The following RGS8 variants were observed in gnomAD, a reference collection of about 807,000 sequenced individuals.
RGS8 encodes regulator of G-protein signaling 8.
In RGS8, 8 loss-of-function variants were observed where a neutral mutation model predicts 21.7. The observed-to-expected ratio is 0.37, with a 90% CI of 0.22 to 0.66. The LOEUF (loss-of-function observed/expected upper bound fraction) is 0.66, where lower values mean the gene tolerates loss of function less well. Ranked by LOEUF, RGS8 falls within the 30% of genes least tolerant of loss-of-function variation. The pLI, the probability that RGS8 is intolerant of heterozygous loss-of-function variation, is 0.59. For synonymous variants in RGS8, 80 were observed against 83.6 expected, an observed-to-expected ratio of 0.96 and a Z score of 0.24; for missense variants, 157 against 217.9, an observed-to-expected ratio of 0.72 and a Z score of 1.76.
the RGS8 span, among the ~76,000 whole-genome samples, chr1:182,724,201 GATAT>G: frequency 0.074 from 3,037 of 41,272 alleles, 110 homozygotes; most frequent in East Asian, 0.1. Context: ...GGCTAGACTG[GATAT>G]ATATATATAT....
chr1:182,743,475 T>G, the RGS8 span, among the ~76,000 whole-genome samples: 1 of 152,198 alleles, frequency 6.6e-6, no homozygotes, highest in Non-Finnish European at 1.5e-5. Context: ...GGGGACTATA[T>G]GTCACGCAAA....
chr1:182,730,503 A>C, the RGS8 span, among the ~76,000 whole-genome samples: 2 of 152,114 alleles, frequency 1.3e-5, no homozygotes, highest in African/African-American at 4.8e-5. Context: ...TGAGCTCCGG[A>C]GTTCGAGACC....
the RGS8 span, among the ~76,000 whole-genome samples, chr1:182,736,908 T>G: frequency 6.6e-6 from 1 of 152,224 alleles, no homozygotes; most frequent in Non-Finnish European, 1.5e-5. Context: ...GGGCAGTATA[T>G]TATTTCCTGC....
chr1:182,662,891 A>C (rs1278759135), intron 5 of RGS8, among the ~76,000 whole-genome samples: 2 of 152,090 alleles, frequency 1.3e-5, no homozygotes, highest in African/African-American at 2.4e-5. Flanking sequence ...TTAAACATAA[A>C]TGAGTGCCCA....
At chr1:182,723,900 G>A in the RGS8 span, among the ~76,000 whole-genome samples, 1 of 152,078 alleles carries the variant, frequency 6.6e-6, no homozygotes, top group Non-Finnish European at 1.5e-5. Context: ...AATTGAGCAA[G>A]GAGTAATTTG....
chr1:182,683,650 A>AG (rs1664612438), intron 1 of RGS8, among the ~76,000 whole-genome samples: 1 of 148,192 alleles, frequency 6.7e-6, no homozygotes, highest in African/African-American at 2.5e-5. Context: ...AAAAAAAAAA[A>AG]GTCACTGACT....
chr1:182,685,035 T>A (rs192315100), upstream of RGS8, among the ~76,000 whole-genome samples: 190 of 152,124 alleles, frequency 1.2e-3, no homozygotes, highest in Non-Finnish European at 1.8e-3. Context: ...TGCTTAGGAT[T>A]TCAGCAATGG....
At chr1:182,719,644 G>A in the RGS8 span, among the ~76,000 whole-genome samples, 40 of 151,250 alleles carry the variant, frequency 2.6e-4, 1 homozygote, top group Admixed American at 2.3e-3. Flanking sequence ...TGCCCAGGCT[G>A]TTCTCAAACT....
intron 5 of RGS8, among the ~76,000 whole-genome samples, chr1:182,664,305 C>T (rs1384996023): frequency 1.3e-5 from 2 of 151,952 alleles, no homozygotes; most frequent in East Asian, 3.9e-4. Context: ...CCCACCATAT[C>T]CTTACAAAAT....
the RGS8 span, among the ~76,000 whole-genome samples, chr1:182,704,514 A>G: frequency 6.6e-6 from 1 of 152,198 alleles, no homozygotes; most frequent in Non-Finnish European, 1.5e-5. Flanking sequence ...GTTTGGAAAA[A>G]AGCAGGTAAG....
At chr1:182,699,612 T>C in the RGS8 span, among the ~76,000 whole-genome samples, 208 of 152,328 alleles carry the variant, frequency 1.4e-3, no homozygotes, top group African/African-American at 4.9e-3. Flanking sequence ...GAGGCTCTTC[T>C]CCCTGTGCTG....
intron 3 of RGS8, among the ~76,000 whole-genome samples, chr1:182,668,717 A>G (rs1482719368): frequency 2.0e-5 from 3 of 152,122 alleles, no homozygotes; most frequent in African/African-American, 7.2e-5. Context: ...CATCTATTTC[A>G]TGGCATTTCC....
chr1:182,660,219 T>C (rs1288347693), intron 5 of RGS8, among the ~76,000 whole-genome samples: 3 of 152,234 alleles, frequency 2.0e-5, no homozygotes, highest in East Asian at 3.8e-4. Flanking sequence ...GTAAGCCTCA[T>C]CATTCCCCTT....
chr1:182,647,069 T>C (rs1662737045), intron 6 of RGS8, 152 bp from the exon 8 acceptor site: 3 of 666,630 alleles, frequency 4.5e-6, no homozygotes, highest in South Asian at 4.0e-5. Context: ...GTCATCCCTT[T>C]TGATCACAGC....
At chr1:182,718,926 A>C in the RGS8 span, among the ~76,000 whole-genome samples, 1 of 152,208 alleles carries the variant, frequency 6.6e-6, no homozygotes, top group Non-Finnish European at 1.5e-5. Flanking sequence ...CGTCGGATGG[A>C]AATGGGACAT....
chr1:182,654,914 AGAG>A lies in RGS8; in HGVS notation c.194-6614_194-6612del, dbSNP rs201052747. On this transcript the variant is annotated intron_variant, in intron 5 of 6. Transcript: ENST00000483095. ...CAAGTGGCAATTGGGACATAGAGGA[AGAG>A]GAGAAAGACAAGCAGGAAGTTAAAA... Among the ~76,000 whole-genome samples the A allele has an allele frequency of 5.8e-4, 88 of 152,288 alleles. No homozygotes were observed. The East Asian group carries it at 0.015, about 27-fold the overall frequency.
intron 5 of RGS8, among the ~76,000 whole-genome samples, chr1:182,660,630 G>A (rs1273558644): frequency 6.7e-6 from 1 of 150,284 alleles, no homozygotes; most frequent in Admixed American, 6.7e-5. Flanking sequence ...GGGATGCGCT[G>A]TCTGAGCACT....
the RGS8 span, among the ~76,000 whole-genome samples, chr1:182,695,477 A>G: frequency 1.3e-5 from 2 of 152,054 alleles, no homozygotes; most frequent in Non-Finnish European, 2.9e-5. Flanking sequence ...CCACTGTAAA[A>G]CTATCGCAAT....
chr1:182,687,241 A>C (rs1303423804), upstream of RGS8, among the ~76,000 whole-genome samples: 1 of 151,950 alleles, frequency 6.6e-6, no homozygotes, highest in African/African-American at 2.4e-5. Flanking sequence ...GGGTCTCACT[A>C]TGTTGCCCAG....
Sources: allele counts gnomAD v4.1 joint callset (sites outside exome capture counted in the v4.1 genomes callset), GRCh38; gene constraint gnomAD v4.1.1; transcripts MANE v1.5; gene names NCBI Gene and HGNC (gene_info 2026-07-23, HGNC 2026-07-21).